Variants in GALNT14 observed in about 807,000 individuals in gnomAD.
GALNT14 encodes UDP-GalNAc:polypeptide N-acetylgalactosaminyltransferase 14.
Under a neutral mutation model 77.5 loss-of-function variants are expected in GALNT14, and 60 were observed. The ratio of observed to expected loss-of-function variants is 0.77; its 90% CI spans 0.63 to 0.96. The LOEUF (loss-of-function observed/expected upper bound fraction) is 0.96. Ranked by LOEUF, GALNT14 falls within the 40% of genes least tolerant of loss-of-function variation. GALNT14 has a pLI of 0.00. For missense variants in GALNT14, 710 were observed against 731.0 expected, an observed-to-expected ratio of 0.97 and a Z score of 0.33; for synonymous variants, 280 against 281.7, an observed-to-expected ratio of 0.99 and a Z score of 0.06.
intron 2 of GALNT14, chr2:30,987,170 G>A (rs1033018844): frequency 3.9e-5 from 6 of 152,168 alleles, no homozygotes; most frequent in Admixed American, 1.3e-4. Context: ...GACTAGGGAT[G>A]AAAGGACAAG....
At chr2:30,976,630 T>C (rs1055830955) in intron 2 of GALNT14, among the ~76,000 whole-genome samples, 2 of 151,844 alleles carry the variant, frequency 1.3e-5, no homozygotes, top group Non-Finnish European at 2.9e-5. Flanking sequence ...TATGTGTGTG[T>C]GTGTGTGTGT....
At chr2:30,907,720 A>G (rs1276768954), downstream of GALNT14, among the ~76,000 whole-genome samples, 1 of 150,102 alleles carries the variant, frequency 6.7e-6, no homozygotes, top group Non-Finnish European at 1.5e-5. Flanking sequence ...TGAGGCCAGC[A>G]TCATTCTGAT....
At chr2:31,114,139 G>T (rs1436890836) in intron 1 of GALNT14, among the ~76,000 whole-genome samples, 5 of 152,094 alleles carry the variant, frequency 3.3e-5, no homozygotes, top group African/African-American at 2.4e-5. Context: ...TCTCAGGTTT[G>T]TTTTCTCTAA....
intron 1 of GALNT14, among the ~76,000 whole-genome samples, chr2:31,084,002 C>A (rs1676286500): frequency 6.6e-6 from 1 of 152,158 alleles, no homozygotes; most frequent in Admixed American, 6.5e-5. Flanking sequence ...AACATGATAT[C>A]TAGAGGTTGC....
chr2:31,121,847 C>A lies in GALNT14; in HGVS notation c.129+16111G>T, dbSNP rs1375828939. On this transcript the variant is annotated intron_variant, in intron 1 of 14. Coordinates refer to ENST00000349752, the MANE Select transcript of GALNT14 (RefSeq NM_024572.4). ...TTTGTTCTCACTTCCATCTACCTCC[C>A]ACTCCCACCTCTGCCCTGCCCCAAC... is the stretch of plus-strand genomic sequence containing the variant. 2.0e-5 allele frequency among the ~76,000 whole-genome samples: 3 copies of A among 152,078 alleles called. No individual in the cohort carries two copies. The East Asian group carries it at 5.8e-4, about 29-fold the overall frequency.
intron 1 of GALNT14, among the ~76,000 whole-genome samples, chr2:31,055,314 A>G (rs2148527821): frequency 6.6e-6 from 1 of 152,372 alleles, no homozygotes; most frequent in East Asian, 1.9e-4. Context: ...TTTAAAGAAC[A>G]TAAATGGCAT....
intron 11 of GALNT14, among the ~76,000 whole-genome samples, chr2:30,926,664 A>G (rs148444062): frequency 2.5e-3 from 377 of 151,650 alleles, no homozygotes; most frequent in African/African-American, 7.6e-3. Flanking sequence ...TGCAAATGGG[A>G]CCAAGCAAGC....
At chr2:30,921,191 C>T (rs552369314) in intron 13 of GALNT14, among the ~76,000 whole-genome samples, 6 of 152,264 alleles carry the variant, frequency 3.9e-5, no homozygotes, top group African/African-American at 1.4e-4. Flanking sequence ...CCCACAGAGA[C>T]CTGGCTCCTC....
chr2:31,015,457 C>T (rs888015667), intron 1 of GALNT14, among the ~76,000 whole-genome samples: 3 of 152,096 alleles, frequency 2.0e-5, no homozygotes, highest in Non-Finnish European at 2.9e-5. Flanking sequence ...GAAAATCTGC[C>T]TCCATCTATA....
At chr2:31,082,522 A>G (rs1676205748) in intron 1 of GALNT14, among the ~76,000 whole-genome samples, 1 of 152,224 alleles carries the variant, frequency 6.6e-6, no homozygotes, top group Non-Finnish European at 1.5e-5. Flanking sequence ...GCTGACCTGA[A>G]GCTGAAAACA....
chr2:30,941,677 TATAAG>T (rs1317184723), intron 9 of GALNT14, among the ~76,000 whole-genome samples: 2 of 152,150 alleles, frequency 1.3e-5, no homozygotes, highest in South Asian at 2.1e-4. Flanking sequence ...CCTCTCCCAC[TATAAG>T]ATAAGGGCAA....
At chr2:30,993,070 C>T (rs1199488855) in intron 1 of GALNT14, 63 bp from the exon 2 acceptor site, 6 of 1,544,866 alleles carry the variant, frequency 3.9e-6, no homozygotes, top group Non-Finnish European at 5.3e-6. Context: ...CCCCCGTCTG[C>T]CTATCAGTAC....
At chr2:30,945,708 A>G in intron 7 of GALNT14, 75 bp downstream of exon 7, 2 of 1,204,390 alleles carry the variant, frequency 1.7e-6, no homozygotes, top group South Asian at 2.4e-5. Flanking sequence ...CTTTTCCTTC[A>G]CTCTCCCCAC....
chr2:31,120,354 T>C (rs1678344468), intron 1 of GALNT14, among the ~76,000 whole-genome samples: 1 of 152,196 alleles, frequency 6.6e-6, no homozygotes, highest in Non-Finnish European at 1.5e-5. Flanking sequence ...AGAAAGCTAT[T>C]GAAGTTCACA....
At chr2:31,020,265 A>G (rs1671633810) in intron 1 of GALNT14, among the ~76,000 whole-genome samples, 2 of 152,230 alleles carry the variant, frequency 1.3e-5, no homozygotes, top group South Asian at 2.1e-4. Flanking sequence ...ATGTTCATTA[A>G]AAGGAGATTG....
chr2:31,017,580 C>G (rs1259766026), intron 1 of GALNT14, among the ~76,000 whole-genome samples: 1 of 152,052 alleles, frequency 6.6e-6, no homozygotes, highest in African/African-American at 2.4e-5. Context: ...AGGGGAGAGT[C>G]AGACAGGAGC....
chr2:31,072,447 C>T (rs1016929444), intron 1 of GALNT14, among the ~76,000 whole-genome samples: 1 of 151,982 alleles, frequency 6.6e-6, no homozygotes, highest in Admixed American at 6.6e-5. Context: ...CCTCTCCTCT[C>T]TTTCATCCTC....
intron 1 of GALNT14, among the ~76,000 whole-genome samples, chr2:31,083,994 C>A (rs1464010451): frequency 6.6e-6 from 1 of 152,136 alleles, no homozygotes; most frequent in African/African-American, 2.4e-5. Context: ...GATTTAGGAA[C>A]ATGATATCTA....
At chr2:30,986,176 C>T (rs1426734985) in intron 2 of GALNT14, among the ~76,000 whole-genome samples, 1 of 152,154 alleles carries the variant, frequency 6.6e-6, no homozygotes, top group Non-Finnish European at 1.5e-5. Flanking sequence ...CATTTAGCAC[C>T]GCACTGGACA....
Sources: allele counts gnomAD v4.1 joint callset (sites outside exome capture counted in the v4.1 genomes callset), GRCh38; gene constraint gnomAD v4.1.1; transcripts MANE v1.5; gene names NCBI Gene and HGNC (gene_info 2026-07-23, HGNC 2026-07-21).